The following MYCBP2 variants were observed in gnomAD, a reference collection of about 807,000 sequenced individuals.
MYCBP2 encodes the protein MYC binding protein 2.
In MYCBP2, 120 loss-of-function variants were observed where a neutral mutation model predicts 525.3. That is an observed-to-expected ratio of 0.23 (90% confidence interval 0.20 to 0.27). The LOEUF (loss-of-function observed/expected upper bound fraction) is 0.27, where lower values mean the gene tolerates loss of function less well. MYCBP2 is among the 10% of genes least tolerant of loss of function. MYCBP2 has a pLI of 1.00. For synonymous variants in MYCBP2, 1,894 were observed against 1,955.8 expected, an observed-to-expected ratio of 0.97 and a Z score of 0.83; for missense variants, 4,149 against 5,657.1, an observed-to-expected ratio of 0.73 and a Z score of 8.55.
At chr13:77,199,682 C>A (rs1327968042) in intron 26 of MYCBP2, among the ~76,000 whole-genome samples, 3 of 152,222 alleles carry the variant, frequency 2.0e-5, no homozygotes, top group Admixed American at 6.5e-5. Flanking sequence ...TCCCAGCACA[C>A]AGCTGGAGAT....
intron 23 of MYCBP2, among the ~76,000 whole-genome samples, chr13:77,209,743 C>T (rs61964707): frequency 1.3e-5 from 2 of 152,296 alleles, no homozygotes; most frequent in East Asian, 3.9e-4. Flanking sequence ...CAATACTGGC[C>T]ACTACGCCTT....
intron 1 of MYCBP2, among the ~76,000 whole-genome samples, chr13:77,300,716 T>C (rs1163950777): frequency 1.3e-5 from 2 of 152,240 alleles, no homozygotes; most frequent in Non-Finnish European, 2.9e-5. Flanking sequence ...CTTTTCTTTT[T>C]ATAAAGATAA....
chr13:77,224,567 A>G (rs778601827), intron 19 of MYCBP2, 35 bp from the exon 20 acceptor site: 4 of 1,299,502 alleles, frequency 3.1e-6, no homozygotes, highest in East Asian at 2.3e-5. Context: ...TTTTTTCATT[A>G]TATGCATTTT....
intron 14 of MYCBP2, among the ~76,000 whole-genome samples, chr13:77,254,993 C>CT (rs1483864711): frequency 6.6e-6 from 1 of 151,894 alleles, no homozygotes; most frequent in Non-Finnish European, 1.5e-5. Context: ...TTTACTCATT[C>CT]ATCTGTTGAT....
At chr13:77,166,578 A>C in intron 40 of MYCBP2, 24 bp from the exon 41 acceptor site, 1 of 1,507,908 alleles carries the variant, frequency 6.6e-7, no homozygotes, top group East Asian at 2.3e-5. Flanking sequence ...GCAAAGTGAC[A>C]TGAATACAGA....
intron 28 of MYCBP2, 132 bp downstream of exon 28, chr13:77,191,547 A>G (rs1180578679): frequency 2.8e-6 from 3 of 1,068,522 alleles, no homozygotes; most frequent in Admixed American, 5.8e-5. Context: ...CATGAATTTA[A>G]TTTTTAGCAG....
At chr13:77,074,777 T>C (rs1035584555) in intron 68 of MYCBP2, among the ~76,000 whole-genome samples, 1 of 152,146 alleles carries the variant, frequency 6.6e-6, no homozygotes, top group Non-Finnish European at 1.5e-5. Flanking sequence ...TTCTGAGTGG[T>C]TCCATTTATA....
At chr13:77,324,546 T>A (rs1006586225) in intron 1 of MYCBP2, among the ~76,000 whole-genome samples, 1 of 152,222 alleles carries the variant, frequency 6.6e-6, no homozygotes, top group Non-Finnish European at 1.5e-5. Context: ...TGAACTTAAA[T>A]AAACAATAAT....
chr13:77,257,906 G>T, intron 13 of MYCBP2, 77 bp from the exon 14 acceptor site: 1 of 1,201,206 alleles, frequency 8.3e-7, no homozygotes, highest in Non-Finnish European at 1.1e-6. Flanking sequence ...CCTCAATGCA[G>T]AACCGTTTAT....
At chr13:77,221,253 C>A (rs77280083) in intron 20 of MYCBP2, among the ~76,000 whole-genome samples, 9 of 152,070 alleles carry the variant, frequency 5.9e-5, no homozygotes, top group Non-Finnish European at 1.2e-4. Flanking sequence ...CATATTGCTA[C>A]AATATTATTA....
rs775369941 is a variant in MYCBP2 at position 77,270,569 on chromosome 13, A to C, written c.946-31T>G. The C allele has an allele frequency of 2.5e-5, 39 of 1,560,596 alleles. No homozygotes were observed. In the South Asian group the frequency reaches 3.8e-4, roughly 15 times the overall value. The stretch of plus-strand genomic sequence containing the variant: ...CAAAAGAGAAGAAAAATAATGAAAA[A>C]ACATTTTTAAATGTTACAAACACAG... On this transcript the variant is annotated intron_variant, in intron 5 of 82. Coordinates refer to ENST00000544440, the MANE Select transcript of MYCBP2 (RefSeq NM_015057.5).
At chr13:77,157,061 T>C (rs2057295543) in intron 45 of MYCBP2, among the ~76,000 whole-genome samples, 2 of 152,152 alleles carry the variant, frequency 1.3e-5, no homozygotes, top group Non-Finnish European at 2.9e-5. Context: ...AAATAATCAA[T>C]TAACAACTAT....
chr13:77,282,081 A>T (rs571202620), intron 3 of MYCBP2, among the ~76,000 whole-genome samples: 1 of 152,314 alleles, frequency 6.6e-6, no homozygotes, highest in South Asian at 2.1e-4. Flanking sequence ...AAGAGGCAGC[A>T]GCAGAAAGAG....
At chr13:77,093,010 C>T (rs1269695792) in intron 59 of MYCBP2, among the ~76,000 whole-genome samples, 155 bp downstream of exon 59, 1 of 152,124 alleles carries the variant, frequency 6.6e-6, no homozygotes, top group Non-Finnish European at 1.5e-5. Context: ...AGGACCTTAC[C>T]TTAGTCATAC....
chr13:77,300,938 A>G (rs946132892), intron 1 of MYCBP2, among the ~76,000 whole-genome samples: 12 of 152,192 alleles, frequency 7.9e-5, no homozygotes, highest in African/African-American at 2.4e-4. Context: ...GGGCATGAGT[A>G]AGGACTGAGC....
Position 77,044,697 on chromosome 13 carries a change from G to T in MYCBP2, c.*681C>A. ...TATAAAAATGTACAGTGGTTTTATT[G>T]ACATGTACATTCCAATATGTTTACA... On this transcript the variant is annotated 3_prime_UTR_variant, in exon 83 of 83. Coordinates refer to ENST00000544440, the MANE Select transcript of MYCBP2 (RefSeq NM_015057.5). The T allele has an allele frequency of 2.5e-6, 1 of 398,562 alleles. No individual in the cohort carries two copies. Among genetic ancestry groups the T allele is most frequent in the South Asian group, 1.3e-4 (1 of 7,768 alleles). The allele number at this position is 398,562 out of a possible 1,614,324, so 24.7% of individuals were successfully genotyped here. A position where few individuals can be genotyped will look rare whatever the true frequency, so the allele number is the denominator to read the frequency against.
intron 2 of MYCBP2, among the ~76,000 whole-genome samples, chr13:77,295,073 T>C (rs943919043): frequency 2.6e-5 from 4 of 152,176 alleles, no homozygotes; most frequent in East Asian, 3.8e-4. Flanking sequence ...CAGTCACAGG[T>C]AATAAGTCCA....
rs756057811 is a variant in MYCBP2 at position 77,288,332 on chromosome 13, T to C, written c.423A>G (p.Leu141=). ...ENTVIIPDIK[L]HSNPSAFNIY... is the part of the protein sequence containing the mutation. ...TATTGAAAGCAGAAGGATTGCTATG[T>C]AGTTTGATATCTGGTATGATTACTG... The change falls in exon 3 of 83, where the codon CTA becomes CTG. Residue 141 remains leucine (L), a synonymous_variant. Transcript: ENST00000544440. 15 of 1,614,010 alleles carry C rather than the reference T, an allele frequency of 9.3e-6. No individual in the cohort carries two copies. The highest frequency in any genetic ancestry group is 1.1e-5 in the Non-Finnish European group (13 of 1,179,950).
intron 17 of MYCBP2, among the ~76,000 whole-genome samples, chr13:77,235,331 T>G (rs2067749038): frequency 2.0e-5 from 3 of 151,836 alleles, no homozygotes; most frequent in African/African-American, 7.3e-5. Flanking sequence ...GACAAAAAGT[T>G]TAACAAGAGA....
Sources: allele counts gnomAD v4.1 joint callset (sites outside exome capture counted in the v4.1 genomes callset), GRCh38; gene constraint gnomAD v4.1.1; transcripts MANE v1.5; gene names NCBI Gene and HGNC (gene_info 2026-07-23, HGNC 2026-07-21).